GALNT13: variants seen among roughly 807,000 people sequenced by gnomAD.
GALNT13 encodes UDP-GalNAc:polypeptide N-acetylgalactosaminyltransferase 13.
GALNT13 carries 28 observed loss-of-function variants against 64.2 expected under a neutral mutation model. The ratio of observed to expected loss-of-function variants is 0.44; its 90% confidence interval spans 0.32 to 0.60. The LOEUF (loss-of-function observed/expected upper bound fraction) is 0.60. GALNT13 is among the 20% of genes least tolerant of loss of function. The probability of loss-of-function intolerance (pLI) is 0.05; values close to 1 mark genes in which losing one functional copy is unlikely to be tolerated. For missense variants in GALNT13, 577 were observed against 669.8 expected, an observed-to-expected ratio of 0.86 and a Z score of 1.53; for synonymous variants, 214 against 224.6, an observed-to-expected ratio of 0.95 and a Z score of 0.42.
chr2:153,946,147 G>A (rs768541016), intron 3 of GALNT13, among the ~76,000 whole-genome samples: 2 of 152,046 alleles, frequency 1.3e-5, no homozygotes, highest in Non-Finnish European at 2.9e-5. Context: ...GTAGAAAAGT[G>A]TTTTTGATGG....
chr2:153,982,939 T>C (rs1009411307), intron 3 of GALNT13, among the ~76,000 whole-genome samples: 9 of 151,966 alleles, frequency 5.9e-5, no homozygotes, highest in Admixed American at 5.9e-4. Flanking sequence ...CTGAGAATTT[T>C]TGTTAGAATT....
the GALNT13 span, among the ~76,000 whole-genome samples, chr2:153,820,866 A>T: frequency 6.6e-6 from 1 of 152,182 alleles, no homozygotes; most frequent in Admixed American, 6.5e-5. Context: ...ACATATCAAT[A>T]TTAACCTTGA....
chr2:154,329,518 T>C (rs1024106994), intron 9 of GALNT13, among the ~76,000 whole-genome samples: 25 of 152,180 alleles, frequency 1.6e-4, no homozygotes, highest in African/African-American at 6.0e-4. Flanking sequence ...CAGTTCGGTT[T>C]CTCTGGACAT....
the GALNT13 span, among the ~76,000 whole-genome samples, chr2:153,700,852 C>T: frequency 2.0e-5 from 3 of 152,012 alleles, no homozygotes; most frequent in Admixed American, 6.6e-5. Context: ...AGAACACAAA[C>T]AAATGGAAAA....
chr2:154,253,172 A>G lies in GALNT13; in HGVS notation c.858-5849A>G, dbSNP rs946731484. On this transcript the variant is annotated intron_variant, in intron 7 of 12. Coordinates refer to ENST00000392825, the MANE Select transcript of GALNT13 (RefSeq NM_052917.4). ...TGAGGCACAGAGTTTAAGTGACTCA[A>G]TGACAGTCAAACACTGTGGGGCTGG... is the stretch of plus-strand genomic sequence containing the variant. Among the ~76,000 whole-genome samples, 7 of 152,164 alleles carry G rather than the reference A, an allele frequency of 4.6e-5. 1 individual carries two copies. The East Asian group carries it at 5.8e-4, about 13-fold the overall frequency.
the GALNT13 span, among the ~76,000 whole-genome samples, chr2:153,154,243 A>G: frequency 6.6e-6 from 1 of 152,086 alleles, no homozygotes; most frequent in Admixed American, 6.6e-5. Flanking sequence ...ATAGTGAATA[A>G]GTCTTATGAT....
the GALNT13 span, among the ~76,000 whole-genome samples, chr2:153,273,458 T>G: frequency 6.6e-6 from 1 of 152,178 alleles, no homozygotes; most frequent in Non-Finnish European, 1.5e-5. Flanking sequence ...ATAATGCTTC[T>G]TACCCGGTAC....
At chr2:153,411,303 C>T in the GALNT13 span, among the ~76,000 whole-genome samples, 14 of 151,628 alleles carry the variant, frequency 9.2e-5, no homozygotes, top group African/African-American at 2.7e-4. Flanking sequence ...ATAGGGGATC[C>T]GATAGGGAGA....
chr2:153,887,035 T>C (rs1199531810), intron 1 of GALNT13, among the ~76,000 whole-genome samples: 5 of 151,994 alleles, frequency 3.3e-5, no homozygotes, highest in Non-Finnish European at 5.9e-5. Context: ...GGAACTTAGT[T>C]ACCTCATCTT....
chr2:153,322,227 T>C, the GALNT13 span, among the ~76,000 whole-genome samples: 3 of 152,088 alleles, frequency 2.0e-5, no homozygotes, highest in African/African-American at 7.2e-5. Context: ...TGAGTACCCA[T>C]TGTTTAGCTC....
chr2:154,176,514 A>G (rs1685664698), intron 4 of GALNT13, among the ~76,000 whole-genome samples: 1 of 151,936 alleles, frequency 6.6e-6, no homozygotes, highest in African/African-American at 2.4e-5. Flanking sequence ...GGCCTCCCAA[A>G]GTGCTGGGAT....
At chr2:153,116,311 CAA>C in the GALNT13 span, among the ~76,000 whole-genome samples, 5 of 151,984 alleles carry the variant, frequency 3.3e-5, no homozygotes, top group Non-Finnish European at 4.4e-5. Context: ...GACTTTATAA[CAA>C]AGTAAATGAG....
chr2:153,483,059 G>A, the GALNT13 span, among the ~76,000 whole-genome samples: 1 of 152,292 alleles, frequency 6.6e-6, no homozygotes, highest in South Asian at 2.1e-4. Flanking sequence ...ATATAAAATG[G>A]TTGACCTTGG....
intron 11 of GALNT13, among the ~76,000 whole-genome samples, chr2:154,412,089 G>A (rs936418936): frequency 1.5e-4 from 23 of 151,532 alleles, no homozygotes; most frequent in Non-Finnish European, 7.4e-5. Context: ...AAAAATGTTC[G>A]TTCAGTGGCT....
At chr2:153,458,235 CAGT>C in the GALNT13 span, among the ~76,000 whole-genome samples, 4 of 150,814 alleles carry the variant, frequency 2.7e-5, no homozygotes, top group Non-Finnish European at 5.9e-5. Flanking sequence ...AAAAAAAAAT[CAGT>C]AGTTTTTTTT....
the GALNT13 span, among the ~76,000 whole-genome samples, chr2:153,541,243 T>G: frequency 6.6e-6 from 1 of 152,150 alleles, no homozygotes; most frequent in Non-Finnish European, 1.5e-5. Flanking sequence ...TGCTCTGCAC[T>G]TCTCCTTCCT....
At chr2:153,548,970 C>T in the GALNT13 span, among the ~76,000 whole-genome samples, 6 of 152,132 alleles carry the variant, frequency 3.9e-5, no homozygotes, top group Admixed American at 3.9e-4. Flanking sequence ...ATATGAACGA[C>T]CTTTGAAAAC....
chr2:153,705,159 T>C, the GALNT13 span, among the ~76,000 whole-genome samples: 1 of 152,178 alleles, frequency 6.6e-6, no homozygotes, highest in South Asian at 2.1e-4. Flanking sequence ...TGCAGATAGT[T>C]GACAAATAGT....
chr2:153,567,948 T>A, the GALNT13 span, among the ~76,000 whole-genome samples: 1 of 152,188 alleles, frequency 6.6e-6, no homozygotes, highest in Non-Finnish European at 1.5e-5. Flanking sequence ...TAGCATTTGG[T>A]TTGGGCATCT....
Sources: gnomAD v4.1 joint callset for allele counts (sites outside exome capture counted in the v4.1 genomes callset) on GRCh38, gnomAD v4.1.1 for gene constraint, MANE v1.5 for transcripts, NCBI Gene and HGNC (gene_info 2026-07-23, HGNC 2026-07-21) for gene names.